Variants in DCDC2C observed in about 807,000 individuals in gnomAD.
DCDC2C encodes the protein doublecortin domain containing 2C, also known as doublecortin domain-containing protein 2C.
Under a neutral mutation model 45.0 loss-of-function variants are expected in DCDC2C, and 44 were observed. That is an observed-to-expected ratio of 0.98 (90% CI 0.77 to 1.26). The LOEUF (loss-of-function observed/expected upper bound fraction) is 1.26, where lower values mean the gene tolerates loss of function less well. Ranked by LOEUF, DCDC2C falls within the 50% of genes most tolerant of loss-of-function variation. DCDC2C has a pLI of 0.00. For synonymous variants in DCDC2C, 187 were observed against 178.8 expected (o/e 1.05, Z -0.37); for missense variants, 447 against 468.9 (o/e 0.95, Z 0.43).
chr2:3,831,287 G>A (rs909503009), intron 10 of DCDC2C, among the ~76,000 whole-genome samples: 1 of 152,214 alleles, frequency 6.6e-6, no homozygotes, highest in African/African-American at 2.4e-5. Context: ...TGTGTTCTGA[G>A]AAATGCTCCT....
chr2:3,710,583 G>A (rs944004177), intron 2 of DCDC2C, among the ~76,000 whole-genome samples: 2 of 152,178 alleles, frequency 1.3e-5, no homozygotes, highest in Non-Finnish European at 2.9e-5. Flanking sequence ...CCCAGGCAGT[G>A]AGCATAGTAT....
At chr2:3,750,510 G>A (rs1669513651) in intron 4 of DCDC2C, among the ~76,000 whole-genome samples, 1 of 152,136 alleles carries the variant, frequency 6.6e-6, no homozygotes, top group African/African-American at 2.4e-5. Context: ...CTGTTTACGT[G>A]AGGGTCTGGC....
chr2:3,780,258 G>A (rs1670473328), intron 9 of DCDC2C, among the ~76,000 whole-genome samples: 1 of 152,152 alleles, frequency 6.6e-6, no homozygotes, highest in African/African-American at 2.4e-5. Flanking sequence ...TACCCTCAAG[G>A]AGAGGGTGCT....
At chr2:3,822,066 T>C (rs1232973512) in intron 10 of DCDC2C, among the ~76,000 whole-genome samples, 1 of 152,228 alleles carries the variant, frequency 6.6e-6, no homozygotes, top group Non-Finnish European at 1.5e-5. Flanking sequence ...TCCATACAAA[T>C]TGAATCAAAT....
intron 10 of DCDC2C, among the ~76,000 whole-genome samples, chr2:3,794,782 G>A (rs537517219): frequency 6.6e-6 from 1 of 152,198 alleles, no homozygotes; most frequent in South Asian, 2.1e-4. Flanking sequence ...CATTTGGGTT[G>A]GTTCCAAGTC....
chr2:3,804,608 T>C (rs534663805), intron 10 of DCDC2C, among the ~76,000 whole-genome samples: 11 of 152,228 alleles, frequency 7.2e-5, no homozygotes, highest in Non-Finnish European at 1.0e-4. Context: ...TAATCAAAAG[T>C]AAGCATTTTG....
At chr2:3,730,011 C>G (rs1668816379) in intron 3 of DCDC2C, among the ~76,000 whole-genome samples, 1 of 152,168 alleles carries the variant, frequency 6.6e-6, no homozygotes, top group African/African-American at 2.4e-5. Flanking sequence ...CACCACCTGT[C>G]ATAAGGGGGA....
At chr2:3,830,948 G>A (rs1671934634) in intron 10 of DCDC2C, among the ~76,000 whole-genome samples, 1 of 152,128 alleles carries the variant, frequency 6.6e-6, no homozygotes, top group Admixed American at 6.5e-5. Context: ...TTTAAACACA[G>A]CCTTTCTTCA....
chr2:3,749,035 AT>A (rs1002067897), intron 4 of DCDC2C, among the ~76,000 whole-genome samples: 4 of 152,300 alleles, frequency 2.6e-5, no homozygotes, highest in Admixed American at 2.0e-4. Flanking sequence ...AAACATAAAT[AT>A]TTTAAAATTC....
At position 3,813,732 on chromosome 2, in the gene DCDC2C, CTTTTTTT is replaced by C. The variant is rs3067128; in HGVS notation, c.1065+28643_1065+28649del. On this transcript the variant is annotated intron_variant, in intron 10 of 10. Coordinates refer to ENST00000399143, the MANE Select transcript of DCDC2C (RefSeq NM_001287444.2). The stretch of plus-strand genomic sequence containing the variant: ...TCAGAGACTAGGATTGCAACCCCTG[CTTTTTTT>C]TTTTTTTTTTGCTTCCCATTTGCTT... 3.6e-4 allele frequency among the ~76,000 whole-genome samples: 36 copies of C among 99,142 alleles called. 1 individual carries two copies. Among genetic ancestry groups the C allele is most frequent in the African/African-American group, 1.5e-3 (36 of 24,002 alleles). 65.0% of individuals were successfully genotyped at this position (99,142 alleles called of 152,430 possible).
chr2:3,746,191 G>A (rs950813176), intron 4 of DCDC2C, among the ~76,000 whole-genome samples: 2 of 152,200 alleles, frequency 1.3e-5, no homozygotes, highest in African/African-American at 4.8e-5. Flanking sequence ...GCTACGGTGA[G>A]GGCAGCATGT....
At chr2:3,788,404 A>G (rs766803549) in intron 10 of DCDC2C, 3 of 152,170 alleles carry the variant, frequency 2.0e-5, no homozygotes, top group Non-Finnish European at 2.9e-5. Flanking sequence ...TTTTTGCACC[A>G]TAGATTATAA....
intron 10 of DCDC2C, among the ~76,000 whole-genome samples, chr2:3,800,872 A>G: frequency 6.6e-6 from 1 of 152,184 alleles, no homozygotes; most frequent in Non-Finnish European, 1.5e-5. Context: ...AGGCACCCAT[A>G]GCTTTACCTG....
intron 8 of DCDC2C, among the ~76,000 whole-genome samples, chr2:3,777,960 T>C (rs1670393341): frequency 6.6e-6 from 1 of 152,168 alleles, no homozygotes; most frequent in South Asian, 2.1e-4. Context: ...GAAGAGCCAG[T>C]GTGTGATTTC....
intron 10 of DCDC2C, among the ~76,000 whole-genome samples, chr2:3,795,048 A>C (rs1670918497): frequency 6.6e-6 from 1 of 151,984 alleles, no homozygotes; most frequent in Non-Finnish European, 1.5e-5. Flanking sequence ...CTTTTTAATG[A>C]TTGCCATTCT....
intron 2 of DCDC2C, among the ~76,000 whole-genome samples, chr2:3,716,607 T>C (rs1668357008): frequency 6.6e-6 from 1 of 152,152 alleles, no homozygotes; most frequent in Non-Finnish European, 1.5e-5. Flanking sequence ...AGAGTTTTTC[T>C]AAGAAGTGAC....
chr2:3,813,477 T>C (rs1671472080), intron 10 of DCDC2C, among the ~76,000 whole-genome samples: 1 of 152,118 alleles, frequency 6.6e-6, no homozygotes, highest in Admixed American at 6.6e-5. Flanking sequence ...ATTTTCTGTC[T>C]CGTTGATCTG....
At chr2:3,767,693 G>C in intron 6 of DCDC2C, 61 bp from the exon 7 acceptor site, 1 of 1,534,976 alleles carries the variant, frequency 6.5e-7, no homozygotes, top group South Asian at 1.2e-5. Flanking sequence ...CAGAGAACCT[G>C]ATCGGACTCC....
At chr2:3,742,112 G>C (rs1669234675) in intron 4 of DCDC2C, 64 bp downstream of exon 4, 4 of 1,453,068 alleles carry the variant, frequency 2.8e-6, no homozygotes, top group Admixed American at 5.9e-5. Context: ...CTTTCTATGA[G>C]AGTTTTCTGC....
Sources: allele counts gnomAD v4.1 joint callset (sites outside exome capture counted in the v4.1 genomes callset), GRCh38; gene constraint gnomAD v4.1.1; transcripts MANE v1.5; gene names NCBI Gene and HGNC (gene_info 2026-07-23, HGNC 2026-07-21).